GPR55: variants seen among roughly 807,000 people sequenced by gnomAD.
GPR55 encodes G-protein coupled receptor 55.
In GPR55, 6 loss-of-function variants were observed where a neutral mutation model predicts 7.9. The observed-to-expected ratio is 0.76, with a 90% confidence interval of 0.41 to 1.49. The LOEUF (loss-of-function observed/expected upper bound fraction) is 1.49. Among genes scored for constraint, GPR55 ranks in the 40% most tolerant of loss-of-function variants. GPR55 has a pLI of 0.01. For synonymous variants in GPR55, 183 were observed against 166.8 expected, an observed-to-expected ratio of 1.10 and a Z score of -0.75; for missense variants, 376 against 406.0, an observed-to-expected ratio of 0.93 and a Z score of 0.63.
upstream of GPR55, among the ~76,000 whole-genome samples, chr2:230,926,604 G>T (rs949544502): frequency 2.0e-5 from 3 of 151,966 alleles, no homozygotes; most frequent in African/African-American, 7.2e-5. Flanking sequence ...CATCCACACT[G>T]AGTGGCCTGC....
In GPR55 at chr2:230,938,096, G is replaced by A. The variant is rs552289189; in HGVS notation, c.-135+22679C>T. ...CAGGAGATTGAGGCTGCAGTGAGCC[G>A]TGATCGCACCACTGTACTCCAGCCT... On this transcript the variant is annotated intron_variant, in intron 1 of 1. Coordinates refer to the GPR55 transcript ENST00000392039. Among the ~76,000 whole-genome samples the A allele has an allele frequency of 4.5e-3, 639 of 141,906 alleles. 4 individuals are homozygous for A. The highest frequency in any genetic ancestry group is 0.016 in the African/African-American group (604 of 37,244). The allele number at this position is 141,906 out of a possible 152,430, so 93.1% of individuals were successfully genotyped here. A position where few individuals can be genotyped will look rare whatever the true frequency, so the allele number is the denominator to read the frequency against.
At chr2:230,947,663 C>A (rs1360233498) in intron 1 of GPR55, among the ~76,000 whole-genome samples, 2 of 151,986 alleles carry the variant, frequency 1.3e-5, no homozygotes, top group African/African-American at 4.8e-5. Context: ...ACCACCATGC[C>A]AGGCTAATTT....
rs73110537 is a variant in GPR55 at position 230,918,783 on chromosome 2, T to C, written c.-135+6385A>G. 4.6e-3 allele frequency among the ~76,000 whole-genome samples: 703 copies of C among 152,286 alleles called. 5 individuals are homozygous for C. The highest frequency in any genetic ancestry group is 0.016 in the African/African-American group (655 of 41,578). ...TCAATTAATGTTTTGTATCACATCA[T>C]TAGAGCAAAAATAAAAAGTCATCCA... On this transcript the variant is annotated intron_variant, in intron 1 of 1. Coordinates refer to ENST00000650999, the MANE Select transcript of GPR55 (RefSeq NM_005683.4).
At chr2:230,946,383 CAA>C (rs1302581681) in intron 1 of GPR55, among the ~76,000 whole-genome samples, 1 of 152,126 alleles carries the variant, frequency 6.6e-6, no homozygotes, top group Non-Finnish European at 1.5e-5. Context: ...CACACACACA[CAA>C]AAAAGATAAC....
chr2:230,931,474 C>A (rs911328673), intron 1 of GPR55, among the ~76,000 whole-genome samples: 10 of 152,258 alleles, frequency 6.6e-5, no homozygotes, highest in Admixed American at 5.9e-4. Context: ...CCTAGAGAGG[C>A]CGATTTCTAC....
chr2:230,921,351 C>G (rs1037820523), intron 1 of GPR55, among the ~76,000 whole-genome samples: 2 of 152,154 alleles, frequency 1.3e-5, no homozygotes, highest in African/African-American at 4.8e-5. Flanking sequence ...CATCATAAAT[C>G]AAGGGTCTAT....
At position 230,907,716 on chromosome 2, in the gene GPR55, ATCAGGTCCTC is replaced by A. The variant is rs1041672551; in HGVS notation, c.*2277_*2286del. 13 of 152,416 alleles carry A rather than the reference ATCAGGTCCTC, an allele frequency of 8.5e-5. No individual in the cohort carries two copies. Among genetic ancestry groups the A allele is most frequent in the Non-Finnish European group, 1.8e-4 (12 of 68,158 alleles). 9.4% of individuals were successfully genotyped at this position (152,416 alleles called of 1,614,324 possible). A position where few individuals can be genotyped will look rare whatever the true frequency, so the allele number is the denominator to read the frequency against. The stretch of plus-strand genomic sequence containing the variant: ...TCCCCTCCCCGTCCCTCCCTACATG[ATCAGGTCCTC>A]TCAGCTGTCTAGAGCCCTTTCTGTC... On this transcript the variant is annotated 3_prime_UTR_variant, in exon 2 of 2. Coordinates refer to ENST00000650999, the MANE Select transcript of GPR55 (RefSeq NM_005683.4).
intron 1 of GPR55, among the ~76,000 whole-genome samples, chr2:230,960,172 A>G (rs754358538): frequency 3.8e-4 from 58 of 152,250 alleles, no homozygotes; most frequent in Non-Finnish European, 1.0e-4. Context: ...GCTTTGCACA[A>G]GACTCCAGGA....
upstream of GPR55, among the ~76,000 whole-genome samples, chr2:230,925,958 C>T (rs562103005): frequency 1.3e-5 from 2 of 152,126 alleles, no homozygotes; most frequent in Non-Finnish European, 2.9e-5. Flanking sequence ...CTGGGTGGCT[C>T]TTAGCTGGGA....
chr2:230,935,879 C>T (rs775294034), intron 1 of GPR55, among the ~76,000 whole-genome samples: 11 of 152,192 alleles, frequency 7.2e-5, no homozygotes, highest in African/African-American at 2.7e-4. Flanking sequence ...TCCTTGAGTG[C>T]ATGTTGGCGC....
intron 1 of GPR55, chr2:230,957,560 G>T (rs1369660459): frequency 2.5e-6 from 1 of 392,502 alleles, no homozygotes; most frequent in Admixed American, 3.6e-5. Flanking sequence ...GGCGCCGGCG[G>T]TGCTGGGCGG....
intron 1 of GPR55, among the ~76,000 whole-genome samples, chr2:230,939,609 G>T (rs1691189643): frequency 6.6e-6 from 1 of 152,184 alleles, no homozygotes; most frequent in Non-Finnish European, 1.5e-5. Context: ...CAGGAGGCCA[G>T]AGGATTCACA....
At chr2:230,959,747 CCTT>C (rs1691541935) in intron 1 of GPR55, among the ~76,000 whole-genome samples, 1 of 152,170 alleles carries the variant, frequency 6.6e-6, no homozygotes, top group Non-Finnish European at 1.5e-5. Flanking sequence ...AACCCTTCAT[CCTT>C]CTCTCTGAGT....
chr2:230,916,442 T>C (rs1220114932), intron 1 of GPR55, among the ~76,000 whole-genome samples: 1 of 151,826 alleles, frequency 6.6e-6, no homozygotes, highest in African/African-American at 2.4e-5. Flanking sequence ...GAGGATCGCT[T>C]GAGCCCAGGA....
intron 1 of GPR55, among the ~76,000 whole-genome samples, chr2:230,917,886 T>G (rs1365886682): frequency 6.6e-6 from 1 of 151,596 alleles, no homozygotes; most frequent in Non-Finnish European, 1.5e-5. Context: ...ACTACAAAAC[T>G]AAATACATGT....
At chr2:230,930,183 A>G (rs1691012280), upstream of GPR55, among the ~76,000 whole-genome samples, 1 of 152,192 alleles carries the variant, frequency 6.6e-6, no homozygotes, top group Non-Finnish European at 1.5e-5. Context: ...ACTGAGCTAC[A>G]CTTGTTTATT....
At chr2:230,913,347 C>T (rs1690636098) in intron 1 of GPR55, among the ~76,000 whole-genome samples, 1 of 152,114 alleles carries the variant, frequency 6.6e-6, no homozygotes, top group African/African-American at 2.4e-5. Flanking sequence ...ATATGTAATA[C>T]CATTCCCAAG....
upstream of GPR55, among the ~76,000 whole-genome samples, chr2:230,925,382 T>C (rs3111780): frequency 0.52 from 79,349 of 151,934 alleles, 23,827 homozygotes; most frequent in African/African-American, 0.84. Context: ...AGAGAGGCTG[T>C]GTGGAACTAG....
chr2:230,918,096 G>A (rs1690756423), intron 1 of GPR55, among the ~76,000 whole-genome samples: 1 of 152,048 alleles, frequency 6.6e-6, no homozygotes, highest in South Asian at 2.1e-4. Context: ...AAAGTATAAA[G>A]ATAAAAGTGG....
Sources: gnomAD v4.1 joint callset for allele counts (sites outside exome capture counted in the v4.1 genomes callset) on GRCh38, gnomAD v4.1.1 for gene constraint, MANE v1.5 for transcripts, NCBI Gene and HGNC (gene_info 2026-07-23, HGNC 2026-07-21) for gene names.